The following FARS2 variants were observed in gnomAD, a reference collection of about 807,000 sequenced individuals.
FARS2 encodes phenylalanine--tRNA ligase, mitochondrial.
In FARS2, 40 loss-of-function variants were observed where a neutral mutation model predicts 46.4. The ratio of observed to expected loss-of-function variants is 0.86; its 90% CI spans 0.67 to 1.12. FARS2 has a LOEUF of 1.12. Ranked by LOEUF, FARS2 falls within the 50% of genes most tolerant of loss-of-function variation. FARS2 has a pLI of 0.00. For missense variants in FARS2, 513 were observed against 567.9 expected (o/e 0.90, Z 0.98); for synonymous variants, 234 against 214.9 (o/e 1.09, Z -0.78).
chr6:5,728,877 C>T (rs1760442389), intron 6 of FARS2, among the ~76,000 whole-genome samples: 1 of 152,162 alleles, frequency 6.6e-6, no homozygotes, highest in Admixed American at 6.5e-5. Context: ...GACTGCCTGC[C>T]CCGAAACCCT....
intron 6 of FARS2, among the ~76,000 whole-genome samples, chr6:5,672,722 G>A (rs1048620123): frequency 1.6e-4 from 25 of 152,124 alleles, no homozygotes; most frequent in Non-Finnish European, 2.8e-4. Context: ...TGCTTGGTGC[G>A]ATCTAGGGCT....
intron 1 of FARS2, among the ~76,000 whole-genome samples, chr6:5,265,128 A>G (rs1303777145): frequency 6.6e-6 from 1 of 152,168 alleles, no homozygotes; most frequent in South Asian, 2.1e-4. Flanking sequence ...TTGCTGCGAT[A>G]TGAGTAATAT....
chr6:5,564,967 G>A (rs1182996228), intron 5 of FARS2, among the ~76,000 whole-genome samples: 4 of 152,160 alleles, frequency 2.6e-5, no homozygotes, highest in Non-Finnish European at 5.9e-5. Context: ...ATTCCTTAAA[G>A]GGAAACACAC....
At chr6:5,767,745 G>A (rs1348935304) in intron 6 of FARS2, among the ~76,000 whole-genome samples, 1 of 152,208 alleles carries the variant, frequency 6.6e-6, no homozygotes, top group Non-Finnish European at 1.5e-5. Flanking sequence ...CCTCAGAACA[G>A]TAACGGGTGT....
chr6:5,554,282 G>T (rs1771530739), intron 5 of FARS2, among the ~76,000 whole-genome samples: 1 of 152,190 alleles, frequency 6.6e-6, no homozygotes, highest in African/African-American at 2.4e-5. Flanking sequence ...TGATGGGAAA[G>T]TGTTAGTATT....
At chr6:5,416,314 A>T (rs1289237209) in intron 3 of FARS2, among the ~76,000 whole-genome samples, 1 of 152,198 alleles carries the variant, frequency 6.6e-6, no homozygotes, top group African/African-American at 2.4e-5. Flanking sequence ...AATTTTATGG[A>T]TGATCTGAGG....
chr6:5,256,490 GGAAAAA>G (rs1309268698), upstream of FARS2, among the ~76,000 whole-genome samples: 39 of 37,518 alleles, frequency 1.0e-3, 1 homozygote, highest in East Asian at 3.4e-3. Flanking sequence ...GATTTCAACT[GGAAAAA>G]AAAAAAAAAA....
intron 5 of FARS2, among the ~76,000 whole-genome samples, chr6:5,606,112 G>A (rs909240248): frequency 1.3e-5 from 2 of 152,008 alleles, no homozygotes; most frequent in Non-Finnish European, 2.9e-5. Context: ...GAGAATGAAA[G>A]GAATGGCAGA....
At chr6:5,266,630 C>A (rs575865106) in intron 1 of FARS2, among the ~76,000 whole-genome samples, 2 of 152,318 alleles carry the variant, frequency 1.3e-5, no homozygotes, top group African/African-American at 2.4e-5. Flanking sequence ...TACAACACTG[C>A]TTCACAGATA....
intron 5 of FARS2, chr6:5,610,049 G>GT (rs1343452719): frequency 2.2e-6 from 2 of 927,298 alleles, no homozygotes; most frequent in Non-Finnish European, 3.5e-6. Flanking sequence ...AGCAATTGGT[G>GT]TTTGGGTCTC....
chr6:5,575,007 G>T (rs888800823), intron 5 of FARS2, among the ~76,000 whole-genome samples: 1 of 152,120 alleles, frequency 6.6e-6, no homozygotes, highest in Non-Finnish European at 1.5e-5. Context: ...AACCCAAGTT[G>T]TTCAAGGGTG....
chr6:5,276,198 ATTAG>A (rs1407600345), intron 1 of FARS2, among the ~76,000 whole-genome samples: 1 of 152,196 alleles, frequency 6.6e-6, no homozygotes, highest in East Asian at 1.9e-4. Flanking sequence ...GATTGTTGGT[ATTAG>A]TTTTACCGTG....
intron 1 of FARS2, among the ~76,000 whole-genome samples, chr6:5,320,738 G>T (rs889573179): frequency 1.3e-5 from 2 of 152,178 alleles, no homozygotes; most frequent in Non-Finnish European, 2.9e-5. Flanking sequence ...TGCTGTAATG[G>T]CAGCAGCATA....
At chr6:5,733,871 G>A (rs1265551488) in intron 6 of FARS2, among the ~76,000 whole-genome samples, 2 of 152,182 alleles carry the variant, frequency 1.3e-5, no homozygotes, top group African/African-American at 2.4e-5. Context: ...AGCCTCTCTG[G>A]ACTTCGTTTT....
intron 1 of FARS2, among the ~76,000 whole-genome samples, chr6:5,310,840 G>C (rs1032162773): frequency 2.6e-5 from 4 of 152,194 alleles, no homozygotes; most frequent in African/African-American, 9.6e-5. Flanking sequence ...AGAAATGTAA[G>C]GGGTCAGTGA....
chr6:5,262,425 C>T lies in FARS2; in HGVS notation c.-22+765C>T, dbSNP rs149018699. Among the ~76,000 whole-genome samples, 404 of 152,122 alleles carry T rather than the reference C, an allele frequency of 2.7e-3. 1 individual carries two copies. The highest frequency in any genetic ancestry group is 9.1e-3 in the African/African-American group (377 of 41,466). ...TCCTGAGTGGCTGGGATTACAGGCGCGCGCTACCTCGCCCAGCTAATTTTT... is the reference window on the plus strand; with the variant it reads ...TCCTGAGTGGCTGGGATTACAGGCGTGCGCTACCTCGCCCAGCTAATTTTT... On this transcript the variant is annotated intron_variant, in intron 1 of 6. Transcript: ENST00000274680.
At position 5,293,096 on chromosome 6, in the gene FARS2, T is replaced by G. The variant is rs1005735948; in HGVS notation, c.-22+31436T>G. On this transcript the variant is annotated intron_variant, in intron 1 of 6. Coordinates refer to ENST00000274680, the MANE Select transcript of FARS2 (RefSeq NM_006567.5). ...TATTGGTGACACTGTTGGAAATAGCTCCAGTGCAGTGGTAGAGCAGAATCC... is the reference window on the plus strand; with the variant it reads ...TATTGGTGACACTGTTGGAAATAGCGCCAGTGCAGTGGTAGAGCAGAATCC... Among the ~76,000 whole-genome samples the G allele has an allele frequency of 3.9e-4, 60 of 152,190 alleles. 1 individual carries two copies. The highest frequency in any genetic ancestry group is 1.4e-3 in the African/African-American group (58 of 41,442).
At chr6:5,576,604 T>TA (rs1772989770) in intron 5 of FARS2, among the ~76,000 whole-genome samples, 1 of 140,468 alleles carries the variant, frequency 7.1e-6, no homozygotes, top group Non-Finnish European at 1.5e-5. Flanking sequence ...TATGATATAT[T>TA]ATATATATAA....
At chr6:5,649,133 G>A (rs1777219068) in intron 6 of FARS2, among the ~76,000 whole-genome samples, 1 of 152,164 alleles carries the variant, frequency 6.6e-6, no homozygotes. Context: ...ATGGTGCTTG[G>A]TAAATCTCCT....
Sources: gnomAD v4.1 joint callset for allele counts (sites outside exome capture counted in the v4.1 genomes callset) on GRCh38, gnomAD v4.1.1 for gene constraint, MANE v1.5 for transcripts, NCBI Gene and HGNC (gene_info 2026-07-23, HGNC 2026-07-21) for gene names.